Variants in GADL1 observed in about 807,000 individuals in gnomAD.
GADL1 encodes acidic amino acid decarboxylase GADL1.
Under a neutral mutation model 69.5 loss-of-function variants are expected in GADL1, and 71 were observed. That is an observed-to-expected ratio of 1.02 (90% CI 0.84 to 1.25). GADL1 has a LOEUF of 1.25. Ranked by LOEUF, GADL1 falls within the 50% of genes most tolerant of loss-of-function variation. The pLI is 0.00. For synonymous variants in GADL1, 254 were observed against 214.4 expected, an observed-to-expected ratio of 1.18 and a Z score of -1.62; for missense variants, 737 against 631.8, an observed-to-expected ratio of 1.17 and a Z score of -1.79.
intron 1 of GADL1, among the ~76,000 whole-genome samples, chr3:30,865,741 C>G (rs536359230): frequency 2.0e-4 from 31 of 152,154 alleles, no homozygotes; most frequent in African/African-American, 7.2e-4. Flanking sequence ...CCCTCCCTTT[C>G]CTTTCCTCTC....
intron 14 of GADL1, among the ~76,000 whole-genome samples, chr3:30,753,903 C>T (rs907514770): frequency 2.6e-5 from 4 of 152,104 alleles, no homozygotes; most frequent in African/African-American, 4.8e-5. Flanking sequence ...GTAACTAGAC[C>T]ATTGATGAAT....
chr3:30,814,427 T>C (rs765086933), intron 11 of GADL1, among the ~76,000 whole-genome samples: 3 of 152,200 alleles, frequency 2.0e-5, no homozygotes, highest in Non-Finnish European at 4.4e-5. Flanking sequence ...TAGAATCTTA[T>C]CTGTATAGGG....
chr3:30,860,299 A>C (rs761104175), intron 2 of GADL1, among the ~76,000 whole-genome samples: 3 of 151,968 alleles, frequency 2.0e-5, no homozygotes, highest in Non-Finnish European at 2.9e-5. Context: ...AATTCTGTTC[A>C]GAGCTGGGCC....
rs146089732 is a variant in GADL1, at chr3:30,854,863, T to C, written c.338-74A>G. On this transcript the variant is annotated intron_variant, in intron 3 of 14. Transcript: ENST00000282538. The stretch of plus-strand genomic sequence containing the variant: ...ACTACTGATACAGCATTAACATAAA[T>C]GAATCTTTCAGAAAATGAAAGCAGA... 8.6e-4 allele frequency: 638 copies of C among 739,958 alleles called. 1 individual carries two copies. In the African/African-American group the frequency reaches 0.01, roughly 12 times the overall value. 45.8% of individuals were successfully genotyped at this position (739,958 alleles called of 1,614,324 possible).
chr3:30,772,523 A>AT (rs1005121185), intron 14 of GADL1, among the ~76,000 whole-genome samples: 2 of 152,146 alleles, frequency 1.3e-5, no homozygotes, highest in Non-Finnish European at 2.9e-5. Flanking sequence ...TCTGACCACT[A>AT]TAAGGCAGCT....
At chr3:30,754,459 A>T (rs1695914651) in intron 14 of GADL1, among the ~76,000 whole-genome samples, 1 of 151,654 alleles carries the variant, frequency 6.6e-6, no homozygotes, top group African/African-American at 2.4e-5. Flanking sequence ...AAAGCCTCAT[A>T]GGAATGCCAA....
chr3:30,747,831 G>C (rs970286923), intron 14 of GADL1, among the ~76,000 whole-genome samples: 1 of 152,070 alleles, frequency 6.6e-6, no homozygotes, highest in Non-Finnish European at 1.5e-5. Context: ...ATTGTGGCCT[G>C]TGGTTTAACT....
At chr3:30,741,111 AGT>A (rs575106772) in intron 14 of GADL1, among the ~76,000 whole-genome samples, 10,070 of 40,108 alleles carry the variant, frequency 0.25, 1,238 homozygotes, top group African/African-American at 0.46. Flanking sequence ...ATGTATTCCT[AGT>A]ATATATATAT....
At chr3:30,766,686 A>G (rs745743368) in intron 14 of GADL1, among the ~76,000 whole-genome samples, 7 of 152,162 alleles carry the variant, frequency 4.6e-5, no homozygotes, top group Admixed American at 2.0e-4. Context: ...TTTTGATGAC[A>G]GTGATAGGCT....
At chr3:30,787,725 C>T (rs1346523548) in intron 12 of GADL1, among the ~76,000 whole-genome samples, 2 of 152,100 alleles carry the variant, frequency 1.3e-5, no homozygotes, top group Admixed American at 6.6e-5. Context: ...TCCTCTTGGG[C>T]CTCAAGTCTC....
chr3:30,800,794 C>G, intron 12 of GADL1, 95 bp downstream of exon 12: 1 of 1,032,968 alleles, frequency 9.7e-7, no homozygotes, highest in South Asian at 1.4e-5. Context: ...CTTCCTATTA[C>G]AGACACAGAT....
intron 12 of GADL1, 49 bp downstream of exon 12, chr3:30,800,837 ACAC>A: frequency 8.1e-7 from 1 of 1,240,814 alleles, no homozygotes. Context: ...ACACACACAC[ACAC>A]ACACACACAC....
At chr3:30,856,807 A>T (rs1468995886) in intron 3 of GADL1, among the ~76,000 whole-genome samples, 1 of 151,948 alleles carries the variant, frequency 6.6e-6, no homozygotes, top group Non-Finnish European at 1.5e-5. Context: ...AAACACTAAC[A>T]CCTACAGTTT....
intron 11 of GADL1, among the ~76,000 whole-genome samples, chr3:30,801,411 T>C (rs1019668313): frequency 7.2e-5 from 11 of 152,068 alleles, no homozygotes; most frequent in African/African-American, 2.2e-4. Context: ...AAACTGTCTA[T>C]AACTCAAAGT....
At chr3:30,763,966 TTTC>T (rs1318938072) in intron 14 of GADL1, among the ~76,000 whole-genome samples, 18 of 152,150 alleles carry the variant, frequency 1.2e-4, no homozygotes, top group African/African-American at 3.9e-4. Context: ...CATTGACTTT[TTTC>T]TTAACAAAGA....
At chr3:30,762,134 G>GT (rs1206767513) in intron 14 of GADL1, among the ~76,000 whole-genome samples, 1 of 152,140 alleles carries the variant, frequency 6.6e-6, no homozygotes, top group African/African-American at 2.4e-5. Flanking sequence ...CAGCAGGAAA[G>GT]TCTTTACATA....
At chr3:30,825,135 T>C (rs1387377614) in intron 11 of GADL1, among the ~76,000 whole-genome samples, 1 of 151,914 alleles carries the variant, frequency 6.6e-6, no homozygotes, top group East Asian at 1.9e-4. Context: ...TACTTGTGAA[T>C]TATATGCAGT....
rs1006363751 is a variant in GADL1 at position 30,854,873 on chromosome 3, A to C, written c.338-84T>G. The C allele has an allele frequency of 4.5e-5, 32 of 707,540 alleles. No individual in the cohort carries two copies. The South Asian group carries it at 5.8e-4, about 13-fold the overall frequency. 43.8% of individuals were successfully genotyped at this position (707,540 alleles called of 1,614,324 possible). A position where few individuals can be genotyped will look rare whatever the true frequency, so the allele number is the denominator to read the frequency against. On this transcript the variant is annotated intron_variant, in intron 3 of 14. Coordinates refer to ENST00000282538, the MANE Select transcript of GADL1 (RefSeq NM_207359.3). ...CAGCATTAACATAAATGAATCTTTC[A>C]GAAAATGAAAGCAGACACACACAGA...
intron 13 of GADL1, among the ~76,000 whole-genome samples, chr3:30,781,971 G>A (rs891478162): frequency 2.0e-5 from 3 of 151,978 alleles, no homozygotes; most frequent in South Asian, 2.1e-4. Flanking sequence ...AATGTCCAGC[G>A]AGGGGTAACC....
Sources: allele counts gnomAD v4.1 joint callset (sites outside exome capture counted in the v4.1 genomes callset), GRCh38; gene constraint gnomAD v4.1.1; transcripts MANE v1.5; gene names NCBI Gene and HGNC (gene_info 2026-07-23, HGNC 2026-07-21).